The following GDA variants were observed in gnomAD, a reference collection of about 807,000 sequenced individuals.
The protein encoded by GDA is cytoplasmic PSD-95 interactor.
Under a neutral mutation model 59.6 loss-of-function variants are expected in GDA, and 18 were observed. The observed-to-expected ratio is 0.30, with a 90% CI of 0.21 to 0.45. GDA has a LOEUF of 0.45. Among genes scored for constraint, GDA ranks in the 20% least tolerant of loss-of-function variants. GDA has a pLI of 1.00. For missense variants in GDA, 427 were observed against 552.3 expected (o/e 0.77, Z 2.27); for synonymous variants, 201 against 201.1 (o/e 1.00, Z 0.00).
chr9:72,185,706 G>C (rs1020838687), intron 1 of GDA, among the ~76,000 whole-genome samples: 1 of 152,178 alleles, frequency 6.6e-6, no homozygotes, highest in Admixed American at 6.5e-5. Flanking sequence ...GTGGCTCAAA[G>C]AGCAGTTTAC....
chr9:72,225,696 G>A lies in GDA; in HGVS notation c.734G>A (p.Arg245His), dbSNP rs368610510. The change falls in exon 8 of 14, where the codon CGT becomes CAT. Residue 245 changes from arginine (R) to histidine (H), a missense_variant. Coordinates refer to ENST00000358399, the MANE Select transcript of GDA (RefSeq NM_004293.5). ...LHIQSHISEN[R>H]DEVEAVKNLY... The stretch of plus-strand genomic sequence containing the variant: ...TTGTAGAGCCATATAAGTGAAAATC[G>A]TGATGAAGTTGAAGCTGTGAAAAAC... 3.3e-5 allele frequency: 50 copies of A among 1,508,054 alleles called. No individual in the cohort carries two copies. The East Asian group carries it at 4.3e-4, about 13-fold the overall frequency. The allele number at this position is 1,508,054 out of a possible 1,614,324, so 93.4% of individuals were successfully genotyped here.
At chr9:72,160,971 A>G (rs1405605172) in intron 1 of GDA, among the ~76,000 whole-genome samples, 1 of 152,052 alleles carries the variant, frequency 6.6e-6, no homozygotes, top group Non-Finnish European at 1.5e-5. Context: ...CAGTGGTACA[A>G]TCTTGGCTCA....
At chr9:72,234,110 G>A (rs1838688242) in intron 10 of GDA, among the ~76,000 whole-genome samples, 1 of 152,114 alleles carries the variant, frequency 6.6e-6, no homozygotes, top group Admixed American at 6.6e-5. Context: ...ACACACTACA[G>A]ATATATGCAA....
chr9:72,139,483 G>A (rs1415295720), intron 1 of GDA, among the ~76,000 whole-genome samples: 1 of 152,150 alleles, frequency 6.6e-6, no homozygotes, highest in Non-Finnish European at 1.5e-5. Flanking sequence ...GTAGTCTGTA[G>A]TCTGAGATCT....
In GDA at chr9:72,208,940, G is replaced by T. The variant is rs61590098; in HGVS notation, c.385-1747G>T. Among the ~76,000 whole-genome samples the T allele has an allele frequency of 5.5e-4, 84 of 151,942 alleles. 3 individuals are homozygous for T. The East Asian group carries it at 9.5e-3, about 17-fold the overall frequency. On this transcript the variant is annotated intron_variant, in intron 3 of 13. Transcript: ENST00000358399. ...AAAATAGAAACCTATATAATAGAGCGTTTTCTATTTTCTAAGTACTTTAAT... is the reference window on the plus strand; with the variant it reads ...AAAATAGAAACCTATATAATAGAGCTTTTTCTATTTTCTAAGTACTTTAAT...
chr9:72,167,648 G>C (rs1257429153), intron 1 of GDA, among the ~76,000 whole-genome samples: 2 of 152,162 alleles, frequency 1.3e-5, no homozygotes, highest in African/African-American at 4.8e-5. Context: ...CCCTCAGAAT[G>C]TACAGGTCTA....
At position 72,248,847 on chromosome 9, in the gene GDA, A is replaced by C. The variant is rs41287399; in HGVS notation, c.*505A>C. On this transcript the variant is annotated 3_prime_UTR_variant, in exon 14 of 14. Transcript: ENST00000358399. Reference sequence around the variant, plus strand: ...TGAAAATTATATACTGAGCATACTAATTTAAAAAGAGAACTTGTTGAAATT... The same window carrying C: ...TGAAAATTATATACTGAGCATACTACTTTAAAAAGAGAACTTGTTGAAATT... The C allele has an allele frequency of 2.9e-4, 288 of 983,676 alleles. No individual in the cohort carries two copies. The highest frequency in any genetic ancestry group is 3.4e-4 in the Non-Finnish European group (278 of 827,830). The allele number at this position is 983,676 out of a possible 1,614,324, so 60.9% of individuals were successfully genotyped here.
At chr9:72,157,777 T>C (rs1396406935) in intron 1 of GDA, among the ~76,000 whole-genome samples, 1 of 152,256 alleles carries the variant, frequency 6.6e-6, no homozygotes, top group Non-Finnish European at 1.5e-5. Context: ...GAAGATGTTC[T>C]AGGCATGACA....
At chr9:72,231,704 C>G (rs7874671) in intron 10 of GDA, among the ~76,000 whole-genome samples, 1 of 151,950 alleles carries the variant, frequency 6.6e-6, no homozygotes, top group African/African-American at 2.4e-5. Context: ...CAGAGGTATT[C>G]TAAAAAGTCC....
intron 1 of GDA, among the ~76,000 whole-genome samples, chr9:72,115,212 C>A (rs1329888558): frequency 1.3e-5 from 2 of 152,172 alleles, no homozygotes; most frequent in Non-Finnish European, 2.9e-5. Context: ...GGTTATGGAA[C>A]AGCTCAAGCC....
chr9:72,191,646 C>T (rs759758833), intron 1 of GDA, among the ~76,000 whole-genome samples: 2 of 151,846 alleles, frequency 1.3e-5, no homozygotes, highest in East Asian at 1.9e-4. Context: ...AGTGCAATGG[C>T]GCAATCTCGG....
intron 2 of GDA, among the ~76,000 whole-genome samples, chr9:72,197,208 T>G (rs376006257): frequency 6.6e-6 from 1 of 152,168 alleles, no homozygotes; most frequent in African/African-American, 2.4e-5. Context: ...TCATCCCTGG[T>G]CATAGTCCAG....
At chr9:72,149,755 G>T (rs1156270536) in intron 1 of GDA, 73 bp downstream of exon 1, 6 of 1,453,556 alleles carry the variant, frequency 4.1e-6, no homozygotes, top group African/African-American at 1.5e-5. Context: ...GCGGTGCTTC[G>T]CGTAGCCCGG....
At chr9:72,204,768 T>A (rs998380826) in intron 3 of GDA, among the ~76,000 whole-genome samples, 20 of 152,148 alleles carry the variant, frequency 1.3e-4, no homozygotes, top group African/African-American at 4.8e-4. Flanking sequence ...GTACTCCATA[T>A]AAATTATTTC....
rs535590941 is a variant in GDA, at chr9:72,210,995, A to G, written c.472+221A>G. On this transcript the variant is annotated intron_variant, in intron 4 of 13. Coordinates refer to ENST00000358399, the MANE Select transcript of GDA (RefSeq NM_004293.5). ...AAAACTGTATCATAGAGTGTTTTCT[A>G]TTTTCTAAGTACTCTGATTATTTAC... 7.2e-5 allele frequency among the ~76,000 whole-genome samples: 11 copies of G among 152,240 alleles called. No individual in the cohort carries two copies. The East Asian group carries it at 2.1e-3, about 29-fold the overall frequency.
chr9:72,160,564 A>T (rs979297996), intron 1 of GDA, among the ~76,000 whole-genome samples: 1 of 152,182 alleles, frequency 6.6e-6, no homozygotes, highest in Non-Finnish European at 1.5e-5. Context: ...GTCACAATTC[A>T]TTCCTTTTTA....
At chr9:72,153,530 CGT>C (rs1369253343) in intron 1 of GDA, among the ~76,000 whole-genome samples, 3 of 150,172 alleles carry the variant, frequency 2.0e-5, no homozygotes, top group Non-Finnish European at 4.4e-5. Context: ...CACATGCACA[CGT>C]ATGTTTATTG....
chr9:72,176,937 T>TAA (rs1338713292), intron 1 of GDA, among the ~76,000 whole-genome samples: 2 of 152,106 alleles, frequency 1.3e-5, no homozygotes, highest in African/African-American at 4.8e-5. Context: ...AACACACTAC[T>TAA]AATTCTGTAG....
chr9:72,256,266 G>A (rs746126197), downstream of GDA, among the ~76,000 whole-genome samples: 4 of 151,772 alleles, frequency 2.6e-5, no homozygotes, highest in Non-Finnish European at 5.9e-5. Flanking sequence ...TAATCATGAA[G>A]TTGTAAATTT....
Sources: gnomAD v4.1 joint callset for allele counts (sites outside exome capture counted in the v4.1 genomes callset) on GRCh38, gnomAD v4.1.1 for gene constraint, MANE v1.5 for transcripts, NCBI Gene and HGNC (gene_info 2026-07-23, HGNC 2026-07-21) for gene names.